Variants in AIG1 observed in about 807,000 individuals in gnomAD.
The protein encoded by AIG1 is androgen-induced gene 1 protein.
A neutral mutation model predicts 31.4 loss-of-function variants in AIG1; 23 were observed. That is an observed-to-expected ratio of 0.73 (90% CI 0.53 to 1.04). The LOEUF (loss-of-function observed/expected upper bound fraction) is 1.04. Among genes scored for constraint, AIG1 ranks in the 50% least tolerant of loss-of-function variants. The probability of loss-of-function intolerance (pLI) is 0.00; values close to 1 mark genes in which losing one functional copy is unlikely to be tolerated. For missense variants in AIG1, 274 were observed against 295.0 expected, an observed-to-expected ratio of 0.93 and a Z score of 0.52; for synonymous variants, 100 against 110.5, an observed-to-expected ratio of 0.90 and a Z score of 0.60.
chr6:143,096,756 T>C (rs999688519), intron 1 of AIG1, among the ~76,000 whole-genome samples: 1 of 151,902 alleles, frequency 6.6e-6, no homozygotes, highest in Non-Finnish European at 1.5e-5. Context: ...GACGCTTCTG[T>C]CTTTGAAAAA....
intron 3 of AIG1, among the ~76,000 whole-genome samples, chr6:143,226,336 G>A (rs1465536486): frequency 2.0e-5 from 3 of 151,780 alleles, no homozygotes; most frequent in Non-Finnish European, 4.4e-5. Context: ...TGCCTCCAGG[G>A]TTCAAGCAAT....
intron 4 of AIG1, among the ~76,000 whole-genome samples, chr6:143,314,555 A>G (rs532785464): frequency 1.3e-5 from 2 of 151,930 alleles, no homozygotes; most frequent in South Asian, 2.1e-4. Flanking sequence ...AAGTTTGAAC[A>G]ATACCATTTA....
intron 4 of AIG1, among the ~76,000 whole-genome samples, chr6:143,314,731 T>C (rs1398284175): frequency 1.3e-5 from 2 of 152,168 alleles, no homozygotes; most frequent in Non-Finnish European, 2.9e-5. Flanking sequence ...ATACCAGTTC[T>C]TCTCCAGCTT....
At chr6:143,303,658 A>G (rs1159948583) in intron 4 of AIG1, among the ~76,000 whole-genome samples, 6 of 150,796 alleles carry the variant, frequency 4.0e-5, no homozygotes, top group African/African-American at 1.2e-4. Context: ...GTCAGGTAGC[A>G]TGATGCCTCC....
At chr6:143,146,745 T>C (rs1350633678) in intron 2 of AIG1, among the ~76,000 whole-genome samples, 1 of 152,200 alleles carries the variant, frequency 6.6e-6, no homozygotes, top group Non-Finnish European at 1.5e-5. Flanking sequence ...AAAAAGTAAT[T>C]TCCCTTTAAG....
chr6:143,303,706 C>T (rs1387750608), intron 4 of AIG1, among the ~76,000 whole-genome samples: 14 of 144,654 alleles, frequency 9.7e-5, no homozygotes, highest in South Asian at 2.3e-4. Flanking sequence ...CTTGGCGATG[C>T]GGGCTCTTTT....
At chr6:143,214,073 A>G (rs1280499539) in intron 3 of AIG1, among the ~76,000 whole-genome samples, 1 of 152,198 alleles carries the variant, frequency 6.6e-6, no homozygotes, top group African/African-American at 2.4e-5. Flanking sequence ...TTTCCTATTA[A>G]GAGACTTTGC....
intron 3 of AIG1, among the ~76,000 whole-genome samples, chr6:143,215,030 C>G (rs1791916017): frequency 6.6e-6 from 1 of 152,248 alleles, no homozygotes; most frequent in Non-Finnish European, 1.5e-5. Context: ...CCTGGGACTT[C>G]TTGGGGGCAG....
At chr6:143,073,299 C>T (rs1583069976) in intron 1 of AIG1, among the ~76,000 whole-genome samples, 1 of 152,234 alleles carries the variant, frequency 6.6e-6, no homozygotes, top group Non-Finnish European at 1.5e-5. Flanking sequence ...GTTTCCATAT[C>T]TTGGCTATTG....
Position 143,219,631 on chromosome 6 carries a change from A to G in AIG1, c.399+54448A>G, listed in dbSNP as rs183971918. On this transcript the variant is annotated intron_variant, in intron 3 of 5. Transcript: ENST00000357847. ...TGATTGGAATAAGGGCCAGTGGCCT[A>G]GAATCCCACCCTCTTAACTCTCTCT... 1.0e-3 allele frequency among the ~76,000 whole-genome samples: 156 copies of G among 152,338 alleles called. 3 individuals carry two copies. The highest frequency in any genetic ancestry group is 7.4e-5 in the Non-Finnish European group (5 of 68,024).
chr6:143,204,991 T>C (rs1339324128), intron 3 of AIG1, among the ~76,000 whole-genome samples: 2 of 152,198 alleles, frequency 1.3e-5, no homozygotes, highest in Non-Finnish European at 2.9e-5. Flanking sequence ...ATAATTTTGT[T>C]GTCACTGATT....
At chr6:143,120,174 T>A (rs1393550440) in intron 1 of AIG1, among the ~76,000 whole-genome samples, 1 of 152,184 alleles carries the variant, frequency 6.6e-6, no homozygotes, top group Non-Finnish European at 1.5e-5. Context: ...TCTCAGGTGA[T>A]CTGCCTGCCT....
chr6:143,226,985 C>CTT (rs11431811), intron 3 of AIG1, among the ~76,000 whole-genome samples: 2,071 of 113,582 alleles, frequency 0.018, 58 homozygotes, highest in African/African-American at 0.056. Context: ...GAGTTTTTGT[C>CTT]TTTTTTTTTT....
rs1793533358 is a variant in AIG1 at position 143,232,766 on chromosome 6, CCTTT to C, written c.400-51340_400-51337del. Among the ~76,000 whole-genome samples, 4 of 152,270 alleles carry C rather than the reference CCTTT, an allele frequency of 2.6e-5. No homozygotes were observed. The South Asian group carries it at 8.3e-4, about 32-fold the overall frequency. ...CCCAAAATTGCCTACTTCACAGGGT[CCTTT>C]CTTCTTCCTTTTATTTTGCCTTTCT... On this transcript the variant is annotated intron_variant, in intron 3 of 5. Coordinates refer to ENST00000357847, the MANE Select transcript of AIG1 (RefSeq NM_016108.4).
chr6:143,083,841 C>A (rs1778511255), intron 1 of AIG1, among the ~76,000 whole-genome samples: 1 of 152,150 alleles, frequency 6.6e-6, no homozygotes, highest in East Asian at 1.9e-4. Flanking sequence ...GGATTAATTC[C>A]TTCCTCAAGT....
intron 3 of AIG1, chr6:143,187,492 G>A: frequency 2.0e-6 from 3 of 1,535,034 alleles, no homozygotes; most frequent in South Asian, 1.2e-5. Flanking sequence ...GAAGACATAT[G>A]CACAAAATCA....
At chr6:143,158,127 G>C (rs180674273) in intron 2 of AIG1, among the ~76,000 whole-genome samples, 193 of 152,224 alleles carry the variant, frequency 1.3e-3, no homozygotes, top group African/African-American at 4.4e-3. Flanking sequence ...TTTGGATGGT[G>C]ACATAAAGCT....
chr6:143,061,107 C>T, intron 1 of AIG1, 41 bp downstream of exon 1: 1 of 1,593,890 alleles, frequency 6.3e-7, no homozygotes, highest in Non-Finnish European at 8.6e-7. Flanking sequence ...GCACCCCGTG[C>T]CTGTGTGTGC....
chr6:143,109,526 G>T (rs984685065), intron 1 of AIG1, among the ~76,000 whole-genome samples: 1 of 152,116 alleles, frequency 6.6e-6, no homozygotes, highest in Non-Finnish European at 1.5e-5. Context: ...ATGCTTTGTA[G>T]TGTCAACGTT....
Sources: gnomAD v4.1 joint callset for allele counts (sites outside exome capture counted in the v4.1 genomes callset) on GRCh38, gnomAD v4.1.1 for gene constraint, MANE v1.5 for transcripts, NCBI Gene and HGNC (gene_info 2026-07-23, HGNC 2026-07-21) for gene names.